ZSCAN18: variants seen among roughly 807,000 people sequenced by gnomAD.
ZSCAN18 encodes the protein zinc finger and SCAN domain-containing protein 18.
A neutral mutation model predicts 31.1 loss-of-function variants in ZSCAN18; 16 were observed. That is an observed-to-expected ratio of 0.51 (90% CI 0.35 to 0.78). ZSCAN18 has a LOEUF of 0.78. ZSCAN18 is among the 30% of genes least tolerant of loss of function. The pLI is 0.01. For synonymous variants in ZSCAN18, 375 were observed against 320.7 expected, an observed-to-expected ratio of 1.17 and a Z score of -1.81; for missense variants, 731 against 697.4, an observed-to-expected ratio of 1.05 and a Z score of -0.54.
chr19:58,101,537 T>TTTTA, upstream of ZSCAN18, among the ~76,000 whole-genome samples: 1 of 126,512 alleles, frequency 7.9e-6, no homozygotes, highest in East Asian at 2.1e-4. Context: ...TTTTTTTTTT[T>TTTTA]GAGACAGAGT....
At chr19:58,108,197 T>C in intron 1 of ZSCAN18, 1 of 985,856 alleles carries the variant, frequency 1.0e-6, no homozygotes, top group Non-Finnish European at 1.2e-6. Context: ...CAATGTGAAT[T>C]CTCCCATGTT....
At chr19:58,093,698 G>A (rs959681949) in intron 1 of ZSCAN18, among the ~76,000 whole-genome samples, 2 of 152,122 alleles carry the variant, frequency 1.3e-5, no homozygotes, top group Non-Finnish European at 2.9e-5. Flanking sequence ...CCCATCTGTG[G>A]CTTGTCTTTT....
upstream of ZSCAN18, among the ~76,000 whole-genome samples, chr19:58,099,057 G>A (rs1471214863): frequency 2.0e-5 from 3 of 152,180 alleles, no homozygotes; most frequent in African/African-American, 7.2e-5. Context: ...TCCAGATAGA[G>A]GCGCTTATGA....
At chr19:58,094,875 CGCAAA>C (rs2074490429) in intron 1 of ZSCAN18, among the ~76,000 whole-genome samples, 1 of 64,284 alleles carries the variant, frequency 1.6e-5, no homozygotes, top group African/African-American at 6.5e-5. Context: ...GAGACCCTGT[CGCAAA>C]AAAAAAAAAA....
At chr19:58,101,298 A>G (rs1305334088), upstream of ZSCAN18, among the ~76,000 whole-genome samples, 1 of 67,514 alleles carries the variant, frequency 1.5e-5, no homozygotes, top group Non-Finnish European at 2.7e-5. Context: ...ATGCCCAGCT[A>G]ATTTTTTTTT....
chr19:58,084,666 A>AACGGG lies in ZSCAN18; in HGVS notation c.*14_*18dup, dbSNP rs756082128. 10 of 1,462,166 alleles carry AACGGG rather than the reference A, an allele frequency of 6.8e-6. No homozygotes were observed. The African/African-American group carries it at 1.4e-4, about 21-fold the overall frequency. The allele number at this position is 1,462,166 out of a possible 1,614,324, so 90.6% of individuals were successfully genotyped here. On this transcript the variant is annotated 3_prime_UTR_variant, in exon 7 of 7. Coordinates refer to ENST00000601144, the MANE Select transcript of ZSCAN18 (RefSeq NM_001145543.2). This position sits in a 1 kb window ranked among gnomAD's most constrained non-coding sequence, Gnocchi z 4.5. ...ACGGCCGGCAAAGCGGCCCCTCCGG[A>AACGGG]ACGGGACAGCACAGCGGCTCACCTC...
At chr19:58,092,704 G>A (rs1317899811) in intron 1 of ZSCAN18, 12 of 983,736 alleles carry the variant, frequency 1.2e-5, no homozygotes, top group Non-Finnish European at 1.4e-5. Flanking sequence ...TTCTACACAA[G>A]CTTCCACTTA....
intron 1 of ZSCAN18, among the ~76,000 whole-genome samples, chr19:58,107,049 C>T (rs2074640486): frequency 6.6e-6 from 1 of 151,812 alleles, no homozygotes; most frequent in African/African-American, 2.4e-5. Context: ...AGGCGTGAGC[C>T]ACCGTGCCTG....
chr19:58,097,090 TG>T (rs903987927), intron 1 of ZSCAN18, among the ~76,000 whole-genome samples: 5 of 151,910 alleles, frequency 3.3e-5, no homozygotes, highest in African/African-American at 1.2e-4. Context: ...CATGATGGGA[TG>T]GGGGAAGTGA....
At chr19:58,098,046 G>A (rs1438894927) in intron 1 of ZSCAN18, 128 bp downstream of exon 1, 9 of 985,374 alleles carry the variant, frequency 9.1e-6, no homozygotes, top group African/African-American at 3.5e-5. Flanking sequence ...CGCACAGCGG[G>A]GGCTCGCACC....
At chr19:58,089,764 G>T in intron 2 of ZSCAN18, 101 bp downstream of exon 2, 1 of 1,415,954 alleles carries the variant, frequency 7.1e-7, no homozygotes, top group South Asian at 1.4e-5. Flanking sequence ...CAGCAGTGTG[G>T]GGAACTTAAC....
chr19:58,109,969 A>G (rs1440805170), intron 1 of ZSCAN18, among the ~76,000 whole-genome samples: 1 of 152,166 alleles, frequency 6.6e-6, no homozygotes, highest in Non-Finnish European at 1.5e-5. Flanking sequence ...CCTGAACTCA[A>G]TCTCCTAGGC....
rs200742278 is a variant in ZSCAN18 at position 58,084,749 on chromosome 19, G to A, written c.1469C>T (p.Ala490Val). The A allele has an allele frequency of 3.3e-5, 52 of 1,556,958 alleles. 1 individual carries two copies. In the East Asian group the frequency reaches 9.6e-4, roughly 29 times the overall value. The change falls in exon 7 of 7, where the codon GCG (alanine) becomes GTG (valine). Residue 490 changes from alanine (A) to valine (V), a missense_variant. Around this residue, in one of 4 missense-constraint regions of ZSCAN18, gnomAD observed 597 missense variants for 499.5 expected, o/e 1.20. Coordinates refer to ENST00000601144, the MANE Select transcript of ZSCAN18 (RefSeq NM_001145543.2). This position sits in a 1 kb window ranked among gnomAD's most constrained non-coding sequence, Gnocchi z 4.5. ...CTCCACGCTCTCTGGGGGACCGCCC[G>A]CCCTAGCCCCCGCCTGGGCTTCGCG... Reference protein sequence around the residue: ...STREAQAGARAGGPPESVEGE... With the variant: ...STREAQAGARVGGPPESVEGE...
upstream of ZSCAN18, among the ~76,000 whole-genome samples, chr19:58,100,140 A>C (rs975036499): frequency 3.3e-5 from 5 of 151,316 alleles, no homozygotes; most frequent in African/African-American, 1.2e-4. Flanking sequence ...TTTTTTTAAG[A>C]GATGGGGTCT....
chr19:58,086,382 G>C (rs1272118876), intron 5 of ZSCAN18, 116 bp from the exon 6 acceptor site: 1 of 880,384 alleles, frequency 1.1e-6, no homozygotes, highest in Non-Finnish European at 1.8e-6. Context: ...TCTCTGTACT[G>C]GGACCCCCAC....
At chr19:58,098,456 C>T (rs2074564057), upstream of ZSCAN18, 5 of 832,218 alleles carry the variant, frequency 6.0e-6, no homozygotes, top group Non-Finnish European at 7.2e-6. Flanking sequence ...ATAATAGACC[C>T]CTGACAGCCA....
chr19:58,113,381 T>TG (rs1270058652), intron 1 of ZSCAN18, among the ~76,000 whole-genome samples: 2 of 150,328 alleles, frequency 1.3e-5, no homozygotes, highest in Non-Finnish European at 3.0e-5. Context: ...ACAGACAAAA[T>TG]GGGGCAGGGG....
upstream of ZSCAN18, among the ~76,000 whole-genome samples, chr19:58,101,299 A>ATTTTTTTTTTTTTT (rs71188078): frequency 1.7e-4 from 18 of 108,386 alleles, no homozygotes; most frequent in South Asian, 3.4e-4. Flanking sequence ...TGCCCAGCTA[A>ATTTTTTTTTTTTTT]TTTTTTTTTT....
intron 1 of ZSCAN18, among the ~76,000 whole-genome samples, chr19:58,091,224 C>T (rs570896577): frequency 6.2e-5 from 9 of 145,620 alleles, no homozygotes; most frequent in African/African-American, 1.3e-4. Context: ...GCCGAGACTG[C>T]GTCACTGCAC....
Sources: gnomAD v4.1 joint callset for allele counts (sites outside exome capture counted in the v4.1 genomes callset) on GRCh38, gnomAD v4.1.1 for gene constraint, gnomAD v4.1.1 regional missense constraint, Gnocchi (gnomAD v3.1) non-coding constraint, MANE v1.5 for transcripts, NCBI Gene and HGNC (gene_info 2026-07-23, HGNC 2026-07-21) for gene names.